Variants in DISC1 observed in about 807,000 individuals in gnomAD.
The protein encoded by DISC1 is DISC1 scaffold protein.
In DISC1, 57 loss-of-function variants were observed where a neutral mutation model predicts 84.5. The ratio of observed to expected loss-of-function variants is 0.67; its 90% CI spans 0.55 to 0.84. The LOEUF is 0.84. Ranked by LOEUF, DISC1 falls within the 40% of genes least tolerant of loss-of-function variation. The pLI, the probability that DISC1 is intolerant of heterozygous loss-of-function variation, is 0.00. For synonymous variants in DISC1, 411 were observed against 415.2 expected, an observed-to-expected ratio of 0.99 and a Z score of 0.12; for missense variants, 1,000 against 1,057.8, an observed-to-expected ratio of 0.95 and a Z score of 0.76.
At chr1:231,754,103 G>A (rs1558483524) in intron 4 of DISC1, among the ~76,000 whole-genome samples, 2 of 151,984 alleles carry the variant, frequency 1.3e-5, no homozygotes, top group African/African-American at 4.8e-5. Context: ...TCATCTTCGT[G>A]TCTTCTTCTG....
chr1:231,637,358 T>G (rs1467305477), intron 1 of DISC1, among the ~76,000 whole-genome samples: 1 of 152,236 alleles, frequency 6.6e-6, no homozygotes, highest in African/African-American at 2.4e-5. Flanking sequence ...AGTTTTTTAT[T>G]TATATAAATT....
intron 9 of DISC1, among the ~76,000 whole-genome samples, chr1:231,827,243 C>T (rs1196888883): frequency 6.6e-6 from 1 of 152,052 alleles, no homozygotes; most frequent in African/African-American, 2.4e-5. Context: ...GCCTCGGCCC[C>T]CTAAAGGGCT....
At chr1:231,881,001 G>T (rs1430377006) in intron 9 of DISC1, among the ~76,000 whole-genome samples, 1 of 152,208 alleles carries the variant, frequency 6.6e-6, no homozygotes, top group Non-Finnish European at 1.5e-5. Flanking sequence ...TGAGGAAGGG[G>T]TTGGAGCCCA....
intron 10 of DISC1, among the ~76,000 whole-genome samples, chr1:231,967,500 C>T (rs1194128843): frequency 6.6e-6 from 1 of 152,156 alleles, no homozygotes; most frequent in Non-Finnish European, 1.5e-5. Flanking sequence ...TCATAATTTT[C>T]TTACTGATGA....
At chr1:231,951,109 A>G (rs1658297189) in intron 9 of DISC1, among the ~76,000 whole-genome samples, 1 of 152,232 alleles carries the variant, frequency 6.6e-6, no homozygotes. Context: ...CCCAGTTCTG[A>G]AAACACTTTC....
intron 9 of DISC1, among the ~76,000 whole-genome samples, chr1:231,867,361 A>G (rs1302180559): frequency 6.6e-6 from 1 of 152,230 alleles, no homozygotes; most frequent in Non-Finnish European, 1.5e-5. Flanking sequence ...GAGAATAGGC[A>G]GCATAGAAGA....
intron 3 of DISC1, among the ~76,000 whole-genome samples, chr1:231,734,902 G>A (rs1373407157): frequency 6.6e-6 from 1 of 152,126 alleles, no homozygotes; most frequent in East Asian, 1.9e-4. Flanking sequence ...CCTCTTTGGT[G>A]TTCCCTGAAA....
At chr1:231,712,234 T>C (rs1004549793) in intron 3 of DISC1, among the ~76,000 whole-genome samples, 3 of 152,244 alleles carry the variant, frequency 2.0e-5, no homozygotes, top group African/African-American at 7.2e-5. Flanking sequence ...GATTTCAGAC[T>C]TCTGGCTTCT....
intron 1 of DISC1, among the ~76,000 whole-genome samples, chr1:231,642,151 G>A (rs2059762702): frequency 6.6e-6 from 1 of 152,214 alleles, no homozygotes; most frequent in South Asian, 2.1e-4. Flanking sequence ...TGGCCCAGGT[G>A]CTAAGCCCTT....
chr1:231,749,127 A>G (rs1032042868), intron 3 of DISC1, among the ~76,000 whole-genome samples: 1 of 152,186 alleles, frequency 6.6e-6, no homozygotes, highest in African/African-American at 2.4e-5. Context: ...CGGGACTGCC[A>G]TTCATCACAG....
At chr1:231,633,698 A>G (rs1204049558) in intron 1 of DISC1, among the ~76,000 whole-genome samples, 1 of 152,170 alleles carries the variant, frequency 6.6e-6, no homozygotes, top group Non-Finnish European at 1.5e-5. Flanking sequence ...CAGATGAACA[A>G]ATCTACCAGG....
chr1:231,740,860 G>A (rs2073171131), intron 3 of DISC1, among the ~76,000 whole-genome samples: 1 of 152,120 alleles, frequency 6.6e-6, no homozygotes, highest in Non-Finnish European at 1.5e-5. Flanking sequence ...CGTCACATGA[G>A]GTCAGATGTG....
chr1:231,813,535 C>T (rs1198087715), intron 8 of DISC1, among the ~76,000 whole-genome samples: 2 of 152,150 alleles, frequency 1.3e-5, no homozygotes, highest in Non-Finnish European at 2.9e-5. Context: ...GGCCATTGTT[C>T]AGGATGGAAA....
chr1:231,928,552 C>A (rs1489311713), intron 9 of DISC1, among the ~76,000 whole-genome samples: 2 of 152,184 alleles, frequency 1.3e-5, no homozygotes, highest in Non-Finnish European at 2.9e-5. Context: ...TGTCTCTTAT[C>A]TCCTTCAGTT....
At chr1:231,886,827 CT>C (rs2086792107) in intron 9 of DISC1, among the ~76,000 whole-genome samples, 1 of 125,752 alleles carries the variant, frequency 8.0e-6, no homozygotes, top group Non-Finnish European at 1.7e-5. Context: ...TTCTTTCTTT[CT>C]TTCTTTCCTT....
intron 9 of DISC1, among the ~76,000 whole-genome samples, chr1:231,933,230 G>A (rs769384421): frequency 6.6e-6 from 1 of 152,186 alleles, no homozygotes; most frequent in South Asian, 2.1e-4. Context: ...GACTGTGCTG[G>A]TAAGTTGTGA....
intron 3 of DISC1, among the ~76,000 whole-genome samples, chr1:231,729,083 CAT>C (rs2071165564): frequency 1.3e-5 from 2 of 151,966 alleles, no homozygotes; most frequent in Admixed American, 1.3e-4. Context: ...CGAGTGAGAA[CAT>C]GTGGTGTTTG....
intron 12 of DISC1, among the ~76,000 whole-genome samples, chr1:232,034,039 A>C (rs1368055835): frequency 2.0e-5 from 3 of 152,090 alleles, no homozygotes; most frequent in Non-Finnish European, 2.9e-5. Context: ...TTTCCATTTC[A>C]GTACATCCAA....
intron 9 of DISC1, among the ~76,000 whole-genome samples, chr1:231,835,750 TTGTA>T (rs890374886): frequency 3.9e-5 from 6 of 152,218 alleles, no homozygotes; most frequent in Non-Finnish European, 7.3e-5. Context: ...TTTTTCCTAT[TTGTA>T]TGTGTGTGTG....
Sources: allele counts gnomAD v4.1 joint callset (sites outside exome capture counted in the v4.1 genomes callset), GRCh38; gene constraint gnomAD v4.1.1; transcripts MANE v1.5; gene names NCBI Gene and HGNC (gene_info 2026-07-23, HGNC 2026-07-21).